Variants in MPPE1 observed in about 807,000 individuals in gnomAD.
The protein encoded by MPPE1 is metallophosphoesterase 1, also known as metallo phosphoesterase.
MPPE1 carries 28 observed loss-of-function variants against 43.8 expected under a neutral mutation model. The ratio of observed to expected loss-of-function variants is 0.64; its 90% CI spans 0.47 to 0.88. The LOEUF is 0.88. Among genes scored for constraint, MPPE1 ranks in the 40% least tolerant of loss-of-function variants. The pLI, the probability that MPPE1 is intolerant of heterozygous loss-of-function variation, is 0.00. For synonymous variants in MPPE1, 159 were observed against 188.5 expected, an observed-to-expected ratio of 0.84 and a Z score of 1.28; for missense variants, 428 against 492.2, an observed-to-expected ratio of 0.87 and a Z score of 1.23.
intron 3 of MPPE1, among the ~76,000 whole-genome samples, chr18:11,896,508 C>A (rs2038631681): frequency 6.6e-6 from 1 of 152,148 alleles, no homozygotes; most frequent in African/African-American, 2.4e-5. Flanking sequence ...GGGTGACAGC[C>A]ACAAATCTGC....
chr18:11,884,657 G>A, intron 10 of MPPE1, 30 bp from the exon 11 acceptor site: 1 of 1,605,520 alleles, frequency 6.2e-7, no homozygotes, highest in Non-Finnish European at 8.5e-7. Context: ...GTTATGCTGA[G>A]AGCACCAGGC....
chr18:11,904,229 C>T lies in MPPE1; in HGVS notation c.-93+1974G>A, dbSNP rs533910682. On this transcript the variant is annotated intron_variant, in intron 2 of 10. Transcript: ENST00000588072. ...AGGACAGAGAAAGAGAGCAAGCAAG[C>T]TGGCTGGCACTGTTACATATTTTCC... Among the ~76,000 whole-genome samples the T allele has an allele frequency of 1.9e-3, 294 of 152,302 alleles. 1 individual carries two copies. The highest frequency in any genetic ancestry group is 3.3e-3 in the Non-Finnish European group (222 of 68,030).
At chr18:11,904,181 C>T (rs1401550056) in intron 2 of MPPE1, among the ~76,000 whole-genome samples, 9 of 104,660 alleles carry the variant, frequency 8.6e-5, no homozygotes, top group African/African-American at 2.8e-4. Context: ...GAGAGAAGAG[C>T]AGAAGGGGAT....
At chr18:11,897,440 C>T in intron 2 of MPPE1, 84 bp from the exon 3 acceptor site, 1 of 604,554 alleles carries the variant, frequency 1.7e-6, no homozygotes, top group South Asian at 2.0e-5. Context: ...TAATGAGTTA[C>T]ATAATCCTAT....
Position 11,886,544 on chromosome 18 carries a change from TG to T in MPPE1, c.821del (p.Pro274HisfsTer85), listed in dbSNP as rs1567927059. On this transcript the variant is annotated frameshift_variant, in exon 9 of 11. Transcript: ENST00000588072. LOFTEE classifies it high-confidence loss of function. The surrounding 1 kb of genome is among the most constrained non-coding windows in gnomAD (Gnocchi z 4.1). ...DAAPAEERDIPFKENYDVLSR... is the reference protein window; with the variant it reads ...DAAPAEERDIXFKENYDVLSR... ...AAAGCACGTCATAGTTCTCCTTAAATGGGATGTCCCTTTCCTCTGCAGGAGC... is the reference window on the plus strand; with the variant it reads ...AAAGCACGTCATAGTTCTCCTTAAATGGATGTCCCTTTCCTCTGCAGGAGC... 6.2e-7 allele frequency: 1 copy of T among 1,614,196 alleles called. No homozygotes were observed. The highest frequency in any genetic ancestry group is 1.7e-5 in the Admixed American group (1 of 60,024).
At chr18:11,885,569 G>A in intron 10 of MPPE1, 107 bp downstream of exon 10, 1 of 1,364,804 alleles carries the variant, frequency 7.3e-7, no homozygotes. Context: ...AGAAATTTGT[G>A]TGTGGCTTTT....
At chr18:11,891,727 T>A (rs1033239710) in intron 4 of MPPE1, among the ~76,000 whole-genome samples, 4 of 152,250 alleles carry the variant, frequency 2.6e-5, no homozygotes, top group African/African-American at 9.6e-5. Flanking sequence ...TATTGAATTG[T>A]CCTAGGAAAT....
At chr18:11,904,874 C>T (rs1385718854) in intron 2 of MPPE1, among the ~76,000 whole-genome samples, 2 of 151,654 alleles carry the variant, frequency 1.3e-5, no homozygotes, top group South Asian at 2.1e-4. Flanking sequence ...ACCCAGGAGG[C>T]GGAGGTTGCA....
chr18:11,894,871 A>G (rs1027325877), intron 3 of MPPE1, among the ~76,000 whole-genome samples: 2 of 152,182 alleles, frequency 1.3e-5, no homozygotes, highest in Admixed American at 1.3e-4. Context: ...GATTACAGGC[A>G]TGAGCCACCA....
intron 2 of MPPE1, among the ~76,000 whole-genome samples, chr18:11,904,318 TA>T (rs5823183): frequency 0.27 from 39,361 of 144,630 alleles, 7,036 homozygotes; most frequent in African/African-American, 0.52. Context: ...TTTATTTATT[TA>T]TTTATTTTTT....
intron 5 of MPPE1, 93 bp from the exon 6 acceptor site, chr18:11,888,836 G>T (rs1368031204): frequency 9.1e-6 from 6 of 657,994 alleles, no homozygotes; most frequent in African/African-American, 5.7e-5. Flanking sequence ...TTCAACACTT[G>T]AGTTTCAGAC....
chr18:11,903,744 T>C (rs1201023404), intron 2 of MPPE1, among the ~76,000 whole-genome samples: 4 of 152,120 alleles, frequency 2.6e-5, no homozygotes, highest in Non-Finnish European at 5.9e-5. Flanking sequence ...AGGCGGAGCT[T>C]GCAGTGAACC....
In MPPE1 at chr18:11,882,964, C is replaced by CTAAAA. The variant is rs2036744604; in HGVS notation, c.*1476_*1480dup. The CTAAAA allele has an allele frequency of 7.7e-6, 1 of 130,682 alleles. No individual in the cohort carries two copies. The highest frequency in any genetic ancestry group is 7.4e-5 in the Admixed American group (1 of 13,570). The allele number at this position is 130,682 out of a possible 1,614,324, so 8.1% of individuals were successfully genotyped here. On this transcript the variant is annotated 3_prime_UTR_variant, in exon 11 of 11. Coordinates refer to ENST00000588072, the MANE Select transcript of MPPE1 (RefSeq NM_023075.6). ...AGAGTTGAGGGTAGTTTTTGTAGGT[C>CTAAAA]TAAAATAATAATCTATAAAGATGTC...
chr18:11,898,600 T>C (rs2038831502), intron 2 of MPPE1, among the ~76,000 whole-genome samples: 1 of 152,156 alleles, frequency 6.6e-6, no homozygotes, highest in Non-Finnish European at 1.5e-5. Context: ...AACATCACTA[T>C]TGTAGATCCT....
chr18:11,903,749 T>C (rs2039428740), intron 2 of MPPE1, among the ~76,000 whole-genome samples: 1 of 152,062 alleles, frequency 6.6e-6, no homozygotes, highest in African/African-American at 2.4e-5. Flanking sequence ...GAGCTTGCAG[T>C]GAACCGAGAT....
At chr18:11,900,009 C>A (rs184113375) in intron 2 of MPPE1, among the ~76,000 whole-genome samples, 3 of 152,004 alleles carry the variant, frequency 2.0e-5, no homozygotes, top group Admixed American at 6.6e-5. Flanking sequence ...ATCAGGAGTT[C>A]GAGACCAGCC....
In MPPE1 at chr18:11,897,023, A is replaced by C; in HGVS notation, c.242T>G (p.Leu81Arg). Reference sequence around the variant, plus strand: ...CAGCCAGTGGCCTAGGAATTCCCCAAGCAAATGGGTGTCAGCCAAAAACAT... The same window carrying C: ...CAGCCAGTGGCCTAGGAATTCCCCACGCAAATGGGTGTCAGCCAAAAACAT... ...KAMFLADTHLLGEFLGHWLDK... is the reference protein window; with the variant it reads ...KAMFLADTHLRGEFLGHWLDK... The change falls in exon 3 of 11, where the codon CTT becomes CGT. Residue 81 changes from leucine (L) to arginine (R), a missense_variant. This residue lies in a region of MPPE1 where 379 missense variants were observed against 402.5 expected (regional missense o/e 0.94). Coordinates refer to ENST00000588072, the MANE Select transcript of MPPE1 (RefSeq NM_023075.6). 6.3e-7 allele frequency: 1 copy of C among 1,585,632 alleles called. No homozygotes were observed.
chr18:11,889,250 A>C (rs1266422988), intron 5 of MPPE1, 137 bp downstream of exon 5: 1 of 567,222 alleles, frequency 1.8e-6, no homozygotes, highest in African/African-American at 1.9e-5. Flanking sequence ...TAAAGAGTTT[A>C]ATATCCCAGA....
intron 6 of MPPE1, 24 bp from the exon 7 acceptor site, chr18:11,887,049 G>A (rs750366689): frequency 3.5e-5 from 54 of 1,555,592 alleles, no homozygotes; most frequent in Non-Finnish European, 4.6e-5. Context: ...AAACGCAGGT[G>A]AGGCCGCTGG....
Sources: allele counts gnomAD v4.1 joint callset (sites outside exome capture counted in the v4.1 genomes callset), GRCh38; gene constraint gnomAD v4.1.1; regional missense constraint gnomAD v4.1.1; non-coding constraint Gnocchi (gnomAD v3.1); transcripts MANE v1.5; gene names NCBI Gene and HGNC (gene_info 2026-07-23, HGNC 2026-07-21).